PSMA6: variants seen among roughly 807,000 people sequenced by gnomAD.
The protein encoded by PSMA6 is proteasome subunit alpha type-6.
For synonymous variants in PSMA6, 88 were observed against 97.7 expected (o/e 0.90, Z 0.59); for missense variants, 170 against 294.8 (o/e 0.58, Z 3.10).
intron 2 of PSMA6, chr14:35,308,440 G>T (rs891146765): frequency 7.1e-5 from 13 of 182,262 alleles, no homozygotes; most frequent in African/African-American, 2.9e-4. Context: ...AAAGAAAAAA[G>T]AAAAGAAAAA....
At chr14:35,312,431 C>T (rs752985258) in intron 4 of PSMA6, among the ~76,000 whole-genome samples, 2 of 142,432 alleles carry the variant, frequency 1.4e-5, no homozygotes, top group African/African-American at 2.7e-5. Context: ...GGCGTGAACC[C>T]GGGAGGAGGA....
In PSMA6 at chr14:35,308,059, G is replaced by T. The variant is rs771054430; in HGVS notation, c.142G>T (p.Ala48Ser). The change falls in exon 2 of 7, where the codon GCA becomes TCA. Residue 48 changes from alanine to serine, a missense_variant. Coordinates refer to ENST00000261479, the MANE Select transcript of PSMA6 (RefSeq NM_002791.3). ...AGTAGCTGTCAGAGGGAAAGACTGT[G>T]CAGTAATTGTCACACAGAAGAAAGT... is the stretch of plus-strand genomic sequence containing the variant. ...TSVAVRGKDC[A>S]VIVTQKKVPD... The T allele has an allele frequency of 3.7e-6, 6 of 1,614,010 alleles. No individual in the cohort carries two copies. In the South Asian group the frequency reaches 5.5e-5, roughly 15 times the overall value.
upstream of PSMA6, among the ~76,000 whole-genome samples, chr14:35,288,745 G>T (rs1169881649): frequency 6.6e-6 from 1 of 152,154 alleles, no homozygotes; most frequent in African/African-American, 2.4e-5. Context: ...CTCATAGACT[G>T]CAGGGTGCGT....
At chr14:35,292,723 AC>A in intron 1 of PSMA6, 171 bp downstream of exon 1, 1 of 1,268,742 alleles carries the variant, frequency 7.9e-7, no homozygotes, top group Non-Finnish European at 1.1e-6. Context: ...CCCCGTCTGG[AC>A]GCAGGGATCG....
chr14:35,285,221 C>A (rs1040538072), intron 1 of PSMA6, among the ~76,000 whole-genome samples: 2 of 152,008 alleles, frequency 1.3e-5, no homozygotes, highest in Non-Finnish European at 2.9e-5. Flanking sequence ...TGGTGCATGC[C>A]TGTAGTCCCA....
chr14:35,294,704 C>T (rs1447948964), intron 1 of PSMA6, among the ~76,000 whole-genome samples: 14 of 152,124 alleles, frequency 9.2e-5, no homozygotes, highest in Admixed American at 7.9e-4. Context: ...CTTTGGCCCC[C>T]CCTTTTTTTT....
upstream of PSMA6, among the ~76,000 whole-genome samples, chr14:35,288,963 G>A (rs2051449123): frequency 6.6e-6 from 1 of 152,066 alleles, no homozygotes; most frequent in African/African-American, 2.4e-5. Flanking sequence ...AGATTTTTTT[G>A]CAATTTTTTT....
intron 3 of PSMA6, chr14:35,310,199 T>G (rs2051915952): frequency 7.0e-6 from 3 of 426,646 alleles, no homozygotes; most frequent in Non-Finnish European, 1.4e-5. Flanking sequence ...GCCTTTTTTT[T>G]TTTTTTTGGA....
chr14:35,302,018 A>G (rs1487628533), intron 1 of PSMA6, among the ~76,000 whole-genome samples: 1 of 151,746 alleles, frequency 6.6e-6, no homozygotes, highest in African/African-American at 2.4e-5. Context: ...GCTATGTGGG[A>G]TTGAAGATCA....
At position 35,283,472 on chromosome 14, in the gene PSMA6, G is replaced by T. The variant is rs143731838; in HGVS notation, c.19+4754G>T. Among the ~76,000 whole-genome samples, 87 of 151,956 alleles carry T rather than the reference G, an allele frequency of 5.7e-4. 2 individuals carry two copies. The highest frequency in any genetic ancestry group is 3.4e-3 in the Middle Eastern group (1 of 290). On this transcript the variant is annotated intron_variant, in intron 1 of 6. Transcript: ENST00000540871. Reference sequence around the variant, plus strand: ...TGTCAATAGGTATCTCTGGATGTTGGGTTGTGGATGATTTTTACTTCATCT... The same window carrying T: ...TGTCAATAGGTATCTCTGGATGTTGTGTTGTGGATGATTTTTACTTCATCT...
At chr14:35,294,122 G>A (rs928131169) in intron 1 of PSMA6, among the ~76,000 whole-genome samples, 3 of 152,188 alleles carry the variant, frequency 2.0e-5, no homozygotes, top group Non-Finnish European at 2.9e-5. Context: ...TCGGCTCCCC[G>A]CAATCTCCGC....
In PSMA6 at chr14:35,279,119, C is replaced by T. The variant is rs1454872514; in HGVS notation, c.19+401C>T. ...CTGGAGTGCAGTGGCGCGATCTCGG[C>T]TCACTGCAACCTCCGCCTCCCTGGT... On this transcript the variant is annotated intron_variant, in intron 1 of 6. Coordinates refer to the PSMA6 transcript ENST00000540871. Among the ~76,000 whole-genome samples, 4 of 152,204 alleles carry T rather than the reference C, an allele frequency of 2.6e-5. 1 individual carries two copies. Among genetic ancestry groups the T allele is most frequent in the Non-Finnish European group, 4.4e-5 (3 of 68,044 alleles).
intron 4 of PSMA6, chr14:35,311,136 G>C: frequency 2.8e-6 from 1 of 362,936 alleles, no homozygotes; most frequent in Non-Finnish European, 5.0e-6. Flanking sequence ...TTTGGTGTAT[G>C]TGATTTGAAA....
At chr14:35,283,552 CTT>C (rs750836861) in intron 1 of PSMA6, among the ~76,000 whole-genome samples, 4,258 of 126,576 alleles carry the variant, frequency 0.034, 182 homozygotes, top group African/African-American at 0.11. Context: ...GACTAGAACT[CTT>C]TTTTTTTTTT....
intron 1 of PSMA6, among the ~76,000 whole-genome samples, chr14:35,279,749 C>T (rs1310353585): frequency 6.6e-6 from 1 of 152,216 alleles, no homozygotes; most frequent in East Asian, 1.9e-4. Flanking sequence ...AATCATGTAA[C>T]TCTTTGTTCA....
At chr14:35,297,153 CA>C (rs2051610520) in intron 1 of PSMA6, among the ~76,000 whole-genome samples, 1 of 114,318 alleles carries the variant, frequency 8.7e-6, no homozygotes, top group Admixed American at 1.0e-4. Context: ...TTTTGCCACA[CA>C]GCATTGAAAT....
At chr14:35,284,285 C>A (rs1018917624) in intron 1 of PSMA6, among the ~76,000 whole-genome samples, 1 of 152,072 alleles carries the variant, frequency 6.6e-6, no homozygotes, top group Non-Finnish European at 1.5e-5. Context: ...TGTGGTGCCT[C>A]CCATATTGCT....
intron 5 of PSMA6, 34 bp from the exon 6 acceptor site, chr14:35,314,327 A>T (rs1325542062): frequency 1.3e-6 from 2 of 1,547,738 alleles, no homozygotes; most frequent in Admixed American, 1.9e-5. Context: ...TCTCTAAAAA[A>T]TACTATATTT....
At chr14:35,308,139 C>T (rs757827896) in intron 2 of PSMA6, 51 bp downstream of exon 2, 1 of 1,593,292 alleles carries the variant, frequency 6.3e-7, no homozygotes, top group Non-Finnish European at 8.6e-7. Flanking sequence ...AAGAATTTTT[C>T]AGCCAAGTGC....
Sources: allele counts gnomAD v4.1 joint callset (sites outside exome capture counted in the v4.1 genomes callset), GRCh38; gene constraint gnomAD v4.1.1; transcripts MANE v1.5; gene names NCBI Gene and HGNC (gene_info 2026-07-23, HGNC 2026-07-21).